GPBP1L1: variants seen among roughly 807,000 people sequenced by gnomAD.
GPBP1L1 encodes vasculin-like protein 1.
A neutral mutation model predicts 52.5 loss-of-function variants in GPBP1L1; 23 were observed. The observed-to-expected ratio is 0.44, with a 90% CI of 0.32 to 0.62. The LOEUF (loss-of-function observed/expected upper bound fraction) is 0.62. Ranked by LOEUF, GPBP1L1 falls within the 20% of genes least tolerant of loss-of-function variation. GPBP1L1 has a pLI of 0.06. For missense variants in GPBP1L1, 596 were observed against 579.3 expected, an observed-to-expected ratio of 1.03 and a Z score of -0.30; for synonymous variants, 243 against 203.1, an observed-to-expected ratio of 1.20 and a Z score of -1.67.
intron 2 of GPBP1L1, among the ~76,000 whole-genome samples, chr1:45,678,410 A>C (rs1489606994): frequency 2.0e-5 from 3 of 152,220 alleles, no homozygotes; most frequent in Non-Finnish European, 1.5e-5. Flanking sequence ...TTCTAAGGGG[A>C]AAGATTGTTT....
intron 4 of GPBP1L1, among the ~76,000 whole-genome samples, chr1:45,658,006 T>C (rs1644904639): frequency 1.3e-5 from 2 of 152,218 alleles, no homozygotes; most frequent in South Asian, 4.1e-4. Context: ...TCATCCTTCC[T>C]CTATTCGCTG....
intron 8 of GPBP1L1, chr1:45,635,433 T>C (rs1644581804): frequency 6.6e-6 from 1 of 152,230 alleles, no homozygotes; most frequent in East Asian, 1.9e-4. Flanking sequence ...AGTCACCAGA[T>C]GTCCTGTCTT....
In GPBP1L1 at chr1:45,646,556, C is replaced by G. The variant is rs954221872; in HGVS notation, c.478-4057G>C. Among the ~76,000 whole-genome samples, 3 of 151,534 alleles carry G rather than the reference C, an allele frequency of 2.0e-5. No individual in the cohort carries two copies. In the Middle Eastern group the frequency reaches 0.01, roughly 523 times the overall value. Reference sequence around the variant, plus strand: ...AAAAATGTTCCTGAATTATACTTTTCAGTATTTTTTTTTTTTTTGAGACGG... The same window carrying G: ...AAAAATGTTCCTGAATTATACTTTTGAGTATTTTTTTTTTTTTTGAGACGG... On this transcript the variant is annotated intron_variant, in intron 6 of 12. Coordinates refer to ENST00000355105, the MANE Select transcript of GPBP1L1 (RefSeq NM_021639.5).
chr1:45,628,491 CTCAAT>C lies in GPBP1L1; in HGVS notation c.1273-88_1273-84del, dbSNP rs1052353825. The C allele has an allele frequency of 3.7e-6, 5 of 1,344,022 alleles. No homozygotes were observed. In the African/African-American group the frequency reaches 5.8e-5, roughly 16 times the overall value. 83.3% of individuals were successfully genotyped at this position (1,344,022 alleles called of 1,614,324 possible). A position where few individuals can be genotyped will look rare whatever the true frequency, so the allele number is the denominator to read the frequency against. ...CCATAAGCCCTGGGAAAGGCCAGGCCTCAATTCAATTCTAGGTAGAATGTGGGGCG... is the reference window on the plus strand; with the variant it reads ...CCATAAGCCCTGGGAAAGGCCAGGCCTCAATTCTAGGTAGAATGTGGGGCG... On this transcript the variant is annotated intron_variant, in intron 12 of 12. Transcript: ENST00000355105.
intron 2 of GPBP1L1, among the ~76,000 whole-genome samples, chr1:45,672,704 C>A (rs1645088729): frequency 6.6e-6 from 1 of 152,084 alleles, no homozygotes; most frequent in South Asian, 2.1e-4. Context: ...AGAGATGGAA[C>A]CTTGACATAC....
intron 7 of GPBP1L1, among the ~76,000 whole-genome samples, chr1:45,641,284 G>C (rs1200641213): frequency 6.6e-6 from 1 of 152,078 alleles, no homozygotes; most frequent in Non-Finnish European, 1.5e-5. Context: ...GAAACCAGGA[G>C]AGTCCAATTT....
chr1:45,659,180 G>T, intron 3 of GPBP1L1, 38 bp from the exon 4 acceptor site: 1 of 1,192,682 alleles, frequency 8.4e-7, no homozygotes, highest in Non-Finnish European at 1.2e-6. Flanking sequence ...ATGTTTACAA[G>T]AATCTGATAC....
At chr1:45,646,136 CCT>C (rs1239238622) in intron 6 of GPBP1L1, 29 of 391,920 alleles carry the variant, frequency 7.4e-5, no homozygotes, top group South Asian at 5.1e-4. Context: ...CCGGCGTTTC[CCT>C]CTCTTTTCGG....
intron 2 of GPBP1L1, among the ~76,000 whole-genome samples, chr1:45,673,684 A>AC (rs1447886159): frequency 2.6e-5 from 4 of 152,166 alleles, no homozygotes; most frequent in African/African-American, 9.7e-5. Flanking sequence ...ATATGGTGAA[A>AC]CCCCATCTCT....
In GPBP1L1 at chr1:45,630,619, AAAGG is replaced by A; in HGVS notation, c.1045-17_1045-14del. ...TGTTGTCCTCCAACTGCAATAAGGA[AAAGG>A]AAGGACACAGTTGGTTTAAGGTTCC... is the stretch of plus-strand genomic sequence containing the variant. On this transcript the variant is annotated splice_polypyrimidine_tract_variant and intron_variant, in intron 10 of 12. Coordinates refer to ENST00000355105, the MANE Select transcript of GPBP1L1 (RefSeq NM_021639.5). 6.2e-7 allele frequency: 1 copy of A among 1,613,732 alleles called. No homozygotes were observed. The highest frequency in any genetic ancestry group is 1.7e-5 in the Admixed American group (1 of 59,948).
intron 7 of GPBP1L1, 99 bp from the exon 8 acceptor site, chr1:45,640,502 A>G: frequency 1.1e-6 from 1 of 917,574 alleles, no homozygotes; most frequent in Non-Finnish European, 1.8e-6. Context: ...AACAGCTGAC[A>G]GTTGAGACAG....
In GPBP1L1 at chr1:45,627,432, T is replaced by TA. The variant is rs1440609090; in HGVS notation, c.*823dup. On this transcript the variant is annotated 3_prime_UTR_variant, in exon 13 of 13. Transcript: ENST00000355105. The stretch of plus-strand genomic sequence containing the variant: ...CCCCAACTTCTAAAAATATTTCCCC[T>TA]AAAAAAGAATCCACTCATCTAATTT... 3.9e-5 allele frequency: 6 copies of TA among 152,656 alleles called. No individual in the cohort carries two copies. The highest frequency in any genetic ancestry group is 7.2e-5 in the African/African-American group (3 of 41,552). The allele number at this position is 152,656 out of a possible 1,614,324, so 9.5% of individuals were successfully genotyped here. A position where few individuals can be genotyped will look rare whatever the true frequency, so the allele number is the denominator to read the frequency against.
Sources: gnomAD v4.1 joint callset for allele counts (sites outside exome capture counted in the v4.1 genomes callset) on GRCh38, gnomAD v4.1.1 for gene constraint, MANE v1.5 for transcripts, NCBI Gene and HGNC (gene_info 2026-07-23, HGNC 2026-07-21) for gene names.